The following ENOX2 variants were observed in gnomAD, a reference collection of about 807,000 sequenced individuals.
ENOX2 encodes ecto-NOX disulfide-thiol exchanger 2.
Under a neutral mutation model 45.0 loss-of-function variants are expected in ENOX2, and 36 were observed. The observed-to-expected ratio is 0.80, with a 90% CI of 0.61 to 1.06. The LOEUF (loss-of-function observed/expected upper bound fraction) is 1.06, where lower values mean the gene tolerates loss of function less well. ENOX2 is among the 50% of genes least tolerant of loss of function. ENOX2 has a pLI of 0.00. For missense variants in ENOX2, 423 were observed against 462.5 expected (o/e 0.91, Z 0.78); for synonymous variants, 174 against 152.3 (o/e 1.14, Z -1.05).
At chrX:130,866,873 A>G (rs1247671754) in intron 2 of ENOX2, among the ~76,000 whole-genome samples, 2 of 109,778 alleles carry the variant, frequency 1.8e-5, no homozygotes, top group African/African-American at 6.6e-5. Flanking sequence ...TTTTTTTAGT[A>G]GTCTACCACA....
At chrX:130,695,071 G>A (rs148820688) in intron 4 of ENOX2, among the ~76,000 whole-genome samples, 19 of 111,427 alleles carry the variant, frequency 1.7e-4, no homozygotes, top group Non-Finnish European at 2.8e-4. Context: ...CTTACTAAAC[G>A]TGCTCCTAAC....
In ENOX2 at chrX:130,715,988, T is replaced by C. The variant is rs565725531; in HGVS notation, c.-38-12734A>G. Among the ~76,000 whole-genome samples the C allele has an allele frequency of 6.6e-4, 74 of 111,705 alleles. 2 individuals are homozygous for C. Among genetic ancestry groups the C allele is most frequent in the African/African-American group, 2.3e-3 (71 of 30,734 alleles). ...GGTGGGCATTACCTCTGATATCTTA[T>C]GGAAAACAGGGGCCACTGGGGGTAA... On this transcript the variant is annotated intron_variant, in intron 3 of 14. Coordinates refer to ENST00000394363, the MANE Select transcript of ENOX2 (RefSeq NM_006375.4).
At chrX:130,784,436 A>G (rs1306443546) in intron 2 of ENOX2, among the ~76,000 whole-genome samples, 1 of 111,671 alleles carries the variant, frequency 9.0e-6, no homozygotes, top group Non-Finnish European at 1.9e-5. Context: ...AGCACCTGGA[A>G]TTTCAAGTGT....
intron 9 of ENOX2, among the ~76,000 whole-genome samples, chrX:130,661,193 C>CT (rs775328883): frequency 0.023 from 2,159 of 95,921 alleles, 51 homozygotes; most frequent in African/African-American, 0.071. Flanking sequence ...GCCAGAGTTT[C>CT]TTTTTTTTTT....
chrX:130,839,968 G>A lies in ENOX2; in HGVS notation c.-182-56278C>T, dbSNP rs187332649. 2.7e-5 allele frequency among the ~76,000 whole-genome samples: 3 copies of A among 111,459 alleles called. No individual in the cohort carries two copies. In the East Asian group the frequency reaches 8.4e-4, roughly 31 times the overall value. On this transcript the variant is annotated intron_variant, in intron 2 of 14. Transcript: ENST00000394363. ...TTTATGAGAGAATTTCAATGTATGG[G>A]CTGACATCTTGGATAGGCTCTACTC...
At chrX:130,813,738 C>A (rs762088727) in intron 2 of ENOX2, among the ~76,000 whole-genome samples, 1 of 112,137 alleles carries the variant, frequency 8.9e-6, no homozygotes, top group South Asian at 3.8e-4. Context: ...GCTTTTCCCA[C>A]GGTCTTCACA....
chrX:130,787,606 A>C (rs930312152), intron 2 of ENOX2, among the ~76,000 whole-genome samples: 5 of 111,637 alleles, frequency 4.5e-5, no homozygotes, highest in Admixed American at 1.9e-4. Context: ...AAATCTAATG[A>C]GTTAAAGGTG....
intron 2 of ENOX2, among the ~76,000 whole-genome samples, chrX:130,887,714 T>C (rs765033916): frequency 8.1e-5 from 9 of 111,523 alleles, no homozygotes; most frequent in South Asian, 3.8e-4. Context: ...CATTGGAGAA[T>C]TCGTTCGGGA....
Position 130,627,988 on chromosome X carries a change from G to T in ENOX2, c.1584C>A (p.Ile528=), listed in dbSNP as rs746348854. 24 of 1,204,542 alleles carry T rather than the reference G, an allele frequency of 2.0e-5. No individual in the cohort carries two copies. In the South Asian group the frequency reaches 4.2e-4, roughly 21 times the overall value. ...TATCAAGACGGTGCAAGTAGGAACA[G>T]ATGTATTCAATGCTTGCTCCAAATG... ...VHPFGASIEY[I]CSYLHRLDNK... The change falls in exon 14 of 15, where the codon ATC becomes ATA. Residue 528 remains isoleucine, a synonymous_variant. Transcript: ENST00000394363.
chrX:130,688,418 C>T (rs936437728), intron 5 of ENOX2, among the ~76,000 whole-genome samples: 6 of 111,820 alleles, frequency 5.4e-5, no homozygotes, highest in Admixed American at 1.9e-4. Flanking sequence ...TACAACCCAT[C>T]GGTTGAATAG....
At chrX:130,770,779 T>A (rs759166643) in intron 3 of ENOX2, among the ~76,000 whole-genome samples, 20 of 112,124 alleles carry the variant, frequency 1.8e-4, no homozygotes, top group African/African-American at 6.5e-4. Context: ...AGGAAATGAC[T>A]CAAATACCAG....
At chrX:130,858,109 T>C (rs1233272620) in intron 2 of ENOX2, among the ~76,000 whole-genome samples, 1 of 108,556 alleles carries the variant, frequency 9.2e-6, no homozygotes, top group African/African-American at 3.4e-5. Flanking sequence ...ATCATGGGCT[T>C]TTTCCTTTTT....
At chrX:130,625,532 T>C (rs1270896404) in intron 14 of ENOX2, 87 bp from the exon 15 acceptor site, 1 of 955,872 alleles carries the variant, frequency 1.0e-6, no homozygotes, top group African/African-American at 1.9e-5. Flanking sequence ...AGAATGCTGA[T>C]GTGTCTGTGT....
chrX:130,849,379 G>A (rs954456100), intron 2 of ENOX2, among the ~76,000 whole-genome samples: 1 of 111,872 alleles, frequency 8.9e-6, no homozygotes, highest in African/African-American at 3.3e-5. Context: ...GGATGGTGGG[G>A]TGGAGGGGAG....
At chrX:130,691,016 T>TAC (rs757871411) in intron 4 of ENOX2, among the ~76,000 whole-genome samples, 438 of 107,990 alleles carry the variant, frequency 4.1e-3, no homozygotes, top group Non-Finnish European at 4.8e-3. Context: ...AACTTGCATG[T>TAC]ACACACACAC....
intron 2 of ENOX2, among the ~76,000 whole-genome samples, chrX:130,850,111 T>G (rs1289282226): frequency 8.9e-6 from 1 of 112,085 alleles, no homozygotes; most frequent in Non-Finnish European, 1.9e-5. Flanking sequence ...TTTATTCAAT[T>G]CAGTCCAACA....
intron 10 of ENOX2, among the ~76,000 whole-genome samples, chrX:130,643,608 T>C (rs1217340877): frequency 8.9e-6 from 1 of 112,150 alleles, no homozygotes; most frequent in East Asian, 2.8e-4. Flanking sequence ...GAGCATTGCA[T>C]ACTATTGAAG....
intron 2 of ENOX2, among the ~76,000 whole-genome samples, chrX:130,846,307 A>C (rs748535966): frequency 2.2e-3 from 244 of 110,807 alleles, no homozygotes; most frequent in Non-Finnish European, 3.3e-3. Context: ...AAGAGTGCTT[A>C]TGTGTATTAC....
rs185870543 is a variant in ENOX2, at chrX:130,738,185, G to A, written c.-38-34931C>T. ...GAAATATTGTGTAGTGTGTAGGTGT[G>A]AAATAGTTGCTTGACTCCTCTGCGG... On this transcript the variant is annotated intron_variant, in intron 3 of 14. Coordinates refer to ENST00000394363, the MANE Select transcript of ENOX2 (RefSeq NM_006375.4). 3.1e-3 allele frequency among the ~76,000 whole-genome samples: 348 copies of A among 112,290 alleles called. 1 individual carries two copies. The highest frequency in any genetic ancestry group is 0.023 in the Middle Eastern group (5 of 219).
Sources: allele counts gnomAD v4.1 joint callset (sites outside exome capture counted in the v4.1 genomes callset), GRCh38; gene constraint gnomAD v4.1.1; transcripts MANE v1.5; gene names NCBI Gene and HGNC (gene_info 2026-07-23, HGNC 2026-07-21).